Variants in ATRN observed in about 807,000 individuals in gnomAD.
ATRN encodes the protein attractin-2.
In ATRN, 54 loss-of-function variants were observed where a neutral mutation model predicts 178.7. That is an observed-to-expected ratio of 0.30 (90% confidence interval 0.24 to 0.38). The LOEUF is 0.38. ATRN is among the 10% of genes least tolerant of loss of function. The pLI, the probability that ATRN is intolerant of heterozygous loss-of-function variation, is 1.00. For missense variants in ATRN, 1,443 were observed against 1,815.1 expected (o/e 0.79, Z 3.73); for synonymous variants, 636 against 663.0 (o/e 0.96, Z 0.63).
rs2086317321 is a variant in ATRN, at chr20:3,584,018, A to G, written c.2885A>G (p.Asn962Ser). 1.2e-6 allele frequency: 2 copies of G among 1,614,016 alleles called. No homozygotes were observed. ...CSNMKQCVDS[N>S]AYVASFPFGQ... ...AACATGAAGCAGTGTGTGGACTCCAATGCCTACGTGGCCTCCTTCCCTTTT... is the reference window on the plus strand; with the variant it reads ...AACATGAAGCAGTGTGTGGACTCCAGTGCCTACGTGGCCTCCTTCCCTTTT... Residue 962 changes from asparagine to serine, a missense_variant, in exon 17 of 29, where the codon AAT (asparagine) becomes AGT (serine). Asn to Ser is a conservative substitution (Grantham distance 46). Transcript: ENST00000262919.
chr20:3,526,892 A>G (rs189404516), intron 1 of ATRN, among the ~76,000 whole-genome samples: 1 of 152,342 alleles, frequency 6.6e-6, no homozygotes, highest in Non-Finnish European at 1.5e-5. Flanking sequence ...GAAAACTGAA[A>G]CTGGACCCCT....
At chr20:3,617,001 C>T (rs867634445) in intron 24 of ATRN, among the ~76,000 whole-genome samples, 18 of 152,178 alleles carry the variant, frequency 1.2e-4, no homozygotes, top group African/African-American at 3.9e-4. Context: ...GTTGGAGATA[C>T]TCCCTAAATG....
At chr20:3,591,116 A>C in intron 18 of ATRN, 53 bp from the exon 19 acceptor site, 1 of 1,489,194 alleles carries the variant, frequency 6.7e-7, no homozygotes, top group Admixed American at 2.1e-5. Context: ...ATTGAACTTA[A>C]CTACATGCAG....
chr20:3,612,398 C>G (rs1427152896), intron 24 of ATRN, among the ~76,000 whole-genome samples: 3 of 152,176 alleles, frequency 2.0e-5, no homozygotes, highest in Admixed American at 6.5e-5. Flanking sequence ...GGACTCTGAT[C>G]TCTAGACCCT....
chr20:3,629,227 C>A (rs1400347826), intron 25 of ATRN: 2 of 985,220 alleles, frequency 2.0e-6, no homozygotes, highest in African/African-American at 3.5e-5. Context: ...CCAGAGAAGA[C>A]CTTTAAAGAT....
In ATRN at chr20:3,490,597, T is replaced by G. The variant is rs2084776908; in HGVS notation, c.410+19080T>G. On this transcript the variant is annotated intron_variant, in intron 1 of 28. Transcript: ENST00000262919. The stretch of plus-strand genomic sequence containing the variant: ...GTACTTGAGGTAACAGTCACGGAGA[T>G]CGAGGTAACGACCATATCCCTCTTC... The G allele has an allele frequency of 4.8e-6, 5 of 1,049,248 alleles. No homozygotes were observed. The South Asian group carries it at 5.0e-5, about 11-fold the overall frequency. The allele number at this position is 1,049,248 out of a possible 1,614,324, so 65.0% of individuals were successfully genotyped here. A position where few individuals can be genotyped will look rare whatever the true frequency, so the allele number is the denominator to read the frequency against.
intron 12 of ATRN, among the ~76,000 whole-genome samples, chr20:3,573,722 G>GATTGTA (rs1383370362): frequency 6.6e-6 from 1 of 151,496 alleles, no homozygotes. Flanking sequence ...GTACAGTGAA[G>GATTGTA]CGATATATTA....
intron 25 of ATRN, among the ~76,000 whole-genome samples, chr20:3,626,748 A>G (rs945918019): frequency 7.2e-6 from 1 of 138,800 alleles, no homozygotes; most frequent in African/African-American, 2.7e-5. Flanking sequence ...CATACATTGC[A>G]TTTGCTATTT....
chr20:3,500,042 T>C (rs2084935520), intron 1 of ATRN, among the ~76,000 whole-genome samples: 1 of 152,102 alleles, frequency 6.6e-6, no homozygotes, highest in Admixed American at 6.6e-5. Context: ...CAGACACTTC[T>C]CAAAAGAAGA....
intron 6 of ATRN, among the ~76,000 whole-genome samples, chr20:3,550,070 A>G (rs1440827639): frequency 1.3e-5 from 2 of 152,228 alleles, no homozygotes; most frequent in East Asian, 1.9e-4. Context: ...GCTCACGCCT[A>G]TAACCCCAGC....
chr20:3,563,203 C>T lies in ATRN; in HGVS notation c.1632-6C>T. ...TGTATTTATTATTTCTAAATAAACT[C>T]AAAAGGACCATTCTTAAGGACAGCC... On this transcript the variant is annotated splice_polypyrimidine_tract_variant and splice_region_variant and intron_variant, in intron 9 of 28. Transcript: ENST00000262919. The T allele has an allele frequency of 6.2e-7, 1 of 1,603,836 alleles. No homozygotes were observed. Among genetic ancestry groups the T allele is most frequent in the Admixed American group, 1.7e-5 (1 of 59,084 alleles).
intron 27 of ATRN, among the ~76,000 whole-genome samples, chr20:3,641,529 C>T (rs1227555587): frequency 7.8e-6 from 1 of 127,458 alleles, no homozygotes; most frequent in African/African-American, 3.1e-5. Context: ...AGGCAGAGTT[C>T]ACAGTGAGCT....
chr20:3,622,463 T>A (rs2086903819), intron 24 of ATRN, among the ~76,000 whole-genome samples: 1 of 152,242 alleles, frequency 6.6e-6, no homozygotes, highest in Non-Finnish European at 1.5e-5. Context: ...CAGCCCAATG[T>A]ATGTTTGTTA....
intron 24 of ATRN, among the ~76,000 whole-genome samples, chr20:3,609,032 C>T (rs942961035): frequency 6.7e-6 from 1 of 149,200 alleles, no homozygotes; most frequent in Non-Finnish European, 1.5e-5. Flanking sequence ...TGGTTCCATA[C>T]AAATTTTAGG....
chr20:3,563,880 A>G (rs1432521465), intron 10 of ATRN, among the ~76,000 whole-genome samples: 1 of 152,200 alleles, frequency 6.6e-6, no homozygotes, highest in Admixed American at 6.5e-5. Context: ...GGTAAAATAC[A>G]CATAAAATTT....
chr20:3,563,453 C>A (rs2146225566), intron 10 of ATRN, 90 bp downstream of exon 10: 1 of 1,337,464 alleles, frequency 7.5e-7, no homozygotes, highest in East Asian at 2.4e-5. Context: ...ATTGCCAGTT[C>A]AAAATGATCA....
intron 24 of ATRN, among the ~76,000 whole-genome samples, chr20:3,604,764 C>T (rs2086656702): frequency 6.6e-6 from 1 of 152,138 alleles, no homozygotes; most frequent in South Asian, 2.1e-4. Context: ...TGATTCCTGG[C>T]TCCTATACAA....
chr20:3,533,032 G>T (rs552362993), intron 1 of ATRN, among the ~76,000 whole-genome samples: 1 of 152,210 alleles, frequency 6.6e-6, no homozygotes, highest in Non-Finnish European at 1.5e-5. Context: ...AAAGTGCTGG[G>T]ATTACAGGCG....
chr20:3,537,086 A>G (rs2085544430), intron 2 of ATRN, among the ~76,000 whole-genome samples: 1 of 152,222 alleles, frequency 6.6e-6, no homozygotes, highest in South Asian at 2.1e-4. Flanking sequence ...CAGATCTTCC[A>G]TATGTTGATA....
Sources: allele counts gnomAD v4.1 joint callset (sites outside exome capture counted in the v4.1 genomes callset), GRCh38; gene constraint gnomAD v4.1.1; transcripts MANE v1.5; gene names NCBI Gene and HGNC (gene_info 2026-07-23, HGNC 2026-07-21).